VGLL4: variants seen among roughly 807,000 people sequenced by gnomAD.
VGLL4 encodes the protein transcription cofactor vestigial-like protein 4.
In VGLL4, 7 loss-of-function variants were observed where a neutral mutation model predicts 21.0. The observed-to-expected ratio is 0.33, with a 90% confidence interval of 0.19 to 0.63. The LOEUF (loss-of-function observed/expected upper bound fraction) is 0.63, where lower values mean the gene tolerates loss of function less well. Ranked by LOEUF, VGLL4 falls within the 20% of genes least tolerant of loss-of-function variation. VGLL4 has a pLI of 0.78. For missense variants in VGLL4, 394 were observed against 425.7 expected (o/e 0.93, Z 0.66); for synonymous variants, 222 against 173.2 (o/e 1.28, Z -2.21).
intron 2 of VGLL4, among the ~76,000 whole-genome samples, chr3:11,581,675 G>A (rs1050536910): frequency 3.3e-5 from 5 of 152,204 alleles, no homozygotes; most frequent in African/African-American, 1.2e-4. Context: ...CAACTTAGCA[G>A]GGACTCAAGT....
At chr3:11,705,323 C>A (rs1187607254) in intron 1 of VGLL4, among the ~76,000 whole-genome samples, 1 of 152,164 alleles carries the variant, frequency 6.6e-6, no homozygotes, top group Non-Finnish European at 1.5e-5. Flanking sequence ...GCACCGGAGC[C>A]GCGGGGAGGC....
At chr3:11,630,664 A>G (rs1204721920) in intron 1 of VGLL4, among the ~76,000 whole-genome samples, 1 of 152,186 alleles carries the variant, frequency 6.6e-6, no homozygotes, top group African/African-American at 2.4e-5. Context: ...AAAAATAAAA[A>G]AATAAATAAA....
chr3:11,656,671 C>G (rs2075963784), intron 2 of VGLL4, among the ~76,000 whole-genome samples: 2 of 152,158 alleles, frequency 1.3e-5, no homozygotes, highest in South Asian at 4.1e-4. Context: ...AAGTTCTCAC[C>G]ACAGCAAAGC....
intron 1 of VGLL4, chr3:11,627,191 G>C (rs1291531043): frequency 7.3e-6 from 1 of 137,068 alleles, no homozygotes; most frequent in Non-Finnish European, 1.5e-5. Context: ...TAAGCACTGT[G>C]TTTGTTTTAT....
In VGLL4 at chr3:11,653,357, A is replaced by G. The variant is rs1329047266; in HGVS notation, c.64+49614T>C. On this transcript the variant is annotated intron_variant, in intron 2 of 5. Transcript: ENST00000273038. This position sits in a 1 kb window ranked among gnomAD's most constrained non-coding sequence, Gnocchi z 4.2. ...ACCTTTAAGAACGTAGATCAGTTGT[A>G]TAACACTTTATAGAAAGAGAATCGT... Among the ~76,000 whole-genome samples the G allele has an allele frequency of 6.6e-6, 1 of 152,258 alleles. No homozygotes were observed. The highest frequency in any genetic ancestry group is 1.5e-5 in the Non-Finnish European group (1 of 68,046).
At position 11,564,900 on chromosome 3, in the gene VGLL4, G is replaced by A. The variant is rs372191382; in HGVS notation, c.392C>T (p.Pro131Leu). 51 of 1,607,376 alleles carry A rather than the reference G, an allele frequency of 3.2e-5. No homozygotes were observed. Among genetic ancestry groups the A allele is most frequent in the Non-Finnish European group, 3.9e-5 (46 of 1,177,540 alleles). ...LHGSHLYTSL[P>L]SLGLEQPLAL... ...GAGGGGCTGCTCCAGGCCAAGGCTG[G>A]GGAGGGAGGTGTACAGGTGGCTGCC... The change falls in exon 3 of 5, where the codon CCC becomes CTC. Residue 131 changes from proline (P) to leucine (L), a missense_variant. Coordinates refer to ENST00000430365, the MANE Select transcript of VGLL4 (RefSeq NM_001128219.3).
At chr3:11,709,640 C>T (rs2076812763) in intron 1 of VGLL4, among the ~76,000 whole-genome samples, 1 of 151,756 alleles carries the variant, frequency 6.6e-6, no homozygotes, top group African/African-American at 2.4e-5. Flanking sequence ...GTCCACATGC[C>T]TTTCCTCACA....
At position 11,653,600 on chromosome 3, in the gene VGLL4, G is replaced by A. The variant is rs2075911450; in HGVS notation, c.64+49371C>T. On this transcript the variant is annotated intron_variant, in intron 2 of 5. Transcript: ENST00000273038. This position sits in a 1 kb window ranked among gnomAD's most constrained non-coding sequence, Gnocchi z 4.2. ...ATAGTGCTGCTATGAATATTCTAGTGTGTGTCTCTTATCAGCCTCGGAATG... is the reference window on the plus strand; with the variant it reads ...ATAGTGCTGCTATGAATATTCTAGTATGTGTCTCTTATCAGCCTCGGAATG... Among the ~76,000 whole-genome samples the A allele has an allele frequency of 6.6e-6, 1 of 152,310 alleles. No individual in the cohort carries two copies. The highest frequency in any genetic ancestry group is 2.1e-4 in the South Asian group (1 of 4,830).
chr3:11,711,339 A>ACCATCCCGGCTAACATGGTGAAACC (rs1177053115), intron 1 of VGLL4, among the ~76,000 whole-genome samples: 7 of 152,048 alleles, frequency 4.6e-5, no homozygotes, highest in African/African-American at 1.4e-4. Context: ...GGAGATCGAG[A>ACCATCCCGGCTAACATGGTGAAACC]CCATCCCGGC....
intron 1 of VGLL4, among the ~76,000 whole-genome samples, chr3:11,607,778 A>T (rs2074978335): frequency 6.6e-6 from 1 of 152,240 alleles, no homozygotes; most frequent in Non-Finnish European, 1.5e-5. Flanking sequence ...TTACAGTTAC[A>T]TCTCCCTAGA....
At chr3:11,582,514 G>A (rs940146815) in intron 2 of VGLL4, 34 of 672,866 alleles carry the variant, frequency 5.1e-5, no homozygotes, top group Non-Finnish European at 7.1e-5. Context: ...AGGAACTCCT[G>A]GGAGGGTTTA....
chr3:11,686,815 C>T (rs2076455794), intron 2 of VGLL4, among the ~76,000 whole-genome samples: 1 of 152,168 alleles, frequency 6.6e-6, no homozygotes, highest in Non-Finnish European at 1.5e-5. Context: ...CGGCATTTTT[C>T]AAACAATAAG....
chr3:11,586,132 A>T (rs925879188), intron 2 of VGLL4, among the ~76,000 whole-genome samples: 1 of 152,250 alleles, frequency 6.6e-6, no homozygotes, highest in Non-Finnish European at 1.5e-5. Flanking sequence ...AGAATTTTTT[A>T]AAAAATCTTA....
At chr3:11,582,459 C>T in intron 2 of VGLL4, 2 of 1,264,704 alleles carry the variant, frequency 1.6e-6, no homozygotes, top group Admixed American at 5.1e-5. Flanking sequence ...GCCTGCTTGC[C>T]CCCTGCACTG....
chr3:11,680,546 G>A (rs1327481093), intron 2 of VGLL4, among the ~76,000 whole-genome samples: 1 of 152,174 alleles, frequency 6.6e-6, no homozygotes, highest in East Asian at 1.9e-4. Context: ...AACACACTAA[G>A]ACGAATCCCA....
chr3:11,593,868 C>A (rs2074567659), intron 2 of VGLL4, among the ~76,000 whole-genome samples: 1 of 152,224 alleles, frequency 6.6e-6, no homozygotes, highest in Non-Finnish European at 1.5e-5. Flanking sequence ...CTTCCTCGTT[C>A]ATTATGGGTT....
At chr3:11,642,022 TAA>T (rs59892024) in intron 1 of VGLL4, among the ~76,000 whole-genome samples, 11 of 139,884 alleles carry the variant, frequency 7.9e-5, no homozygotes, top group Admixed American at 7.1e-5. Context: ...CGGGGATGGT[TAA>T]AAAAAAAAAA....
chr3:11,698,922 A>C (rs2076642051), intron 2 of VGLL4, among the ~76,000 whole-genome samples: 1 of 152,198 alleles, frequency 6.6e-6, no homozygotes, highest in Non-Finnish European at 1.5e-5. Flanking sequence ...AAAATCCCCA[A>C]GTTTTCAGTT....
upstream of VGLL4, among the ~76,000 whole-genome samples, chr3:11,647,410 C>T (rs1371639983): frequency 6.6e-6 from 1 of 152,178 alleles, no homozygotes; most frequent in Non-Finnish European, 1.5e-5. Flanking sequence ...TCTCCTCACA[C>T]CCTACGCCAA....
Sources: gnomAD v4.1 joint callset for allele counts (sites outside exome capture counted in the v4.1 genomes callset) on GRCh38, gnomAD v4.1.1 for gene constraint, Gnocchi (gnomAD v3.1) non-coding constraint, MANE v1.5 for transcripts, NCBI Gene and HGNC (gene_info 2026-07-23, HGNC 2026-07-21) for gene names.